The following DLGAP1 variants were observed in gnomAD, a reference collection of about 807,000 sequenced individuals.
DLGAP1 encodes disks large-associated protein 1.
DLGAP1 carries 11 observed loss-of-function variants against 90.8 expected under a neutral mutation model. The ratio of observed to expected loss-of-function variants is 0.12; its 90% CI spans 0.08 to 0.20. The LOEUF is 0.20. DLGAP1 is among the 10% of genes least tolerant of loss of function. The pLI is 1.00. For synonymous variants in DLGAP1, 558 were observed against 540.7 expected (o/e 1.03, Z -0.44); for missense variants, 1,050 against 1,333.8 (o/e 0.79, Z 3.31).
intron 3 of DLGAP1, among the ~76,000 whole-genome samples, chr18:3,988,448 T>G (rs1295840090): frequency 6.6e-6 from 1 of 152,158 alleles, no homozygotes; most frequent in African/African-American, 2.4e-5. Flanking sequence ...TTAATCTGTA[T>G]TTGCAGCCAC....
chr18:4,149,417 T>C (rs568437283), intron 2 of DLGAP1, among the ~76,000 whole-genome samples: 2 of 152,056 alleles, frequency 1.3e-5, no homozygotes, highest in East Asian at 1.9e-4. Context: ...AGGAGAAAAA[T>C]GCTGATTTAG....
Position 3,499,232 on chromosome 18 carries a change from CGCTCTCGGT to C in DLGAP1, c.2878_2886del (p.Thr960_Ser962del). 6.3e-7 allele frequency: 1 copy of C among 1,596,866 alleles called. No individual in the cohort carries two copies. The highest frequency in any genetic ancestry group is 8.5e-7 in the Non-Finnish European group (1 of 1,174,340). On this transcript the variant is annotated inframe_deletion, in exon 13 of 13. Transcript: ENST00000315677. This position sits in a 1 kb window ranked among gnomAD's most constrained non-coding sequence, Gnocchi z 6.4. Reference sequence around the variant, plus strand: ...GGGATGTAGATCTCGATGCTCTCGGCGCTCTCGGTGGCCGAGTTCTGGCGGACGGACGCG... The same window carrying C: ...GGGATGTAGATCTCGATGCTCTCGGCGGCCGAGTTCTGGCGGACGGACGCG...
intron 2 of DLGAP1, among the ~76,000 whole-genome samples, chr18:4,045,202 T>A (rs1047604950): frequency 3.9e-5 from 6 of 152,076 alleles, no homozygotes; most frequent in African/African-American, 1.4e-4. Flanking sequence ...GACTTTCACC[T>A]TTCTTGCCTT....
rs527802993 is a variant in DLGAP1, at chr18:3,926,475, TGTA to T, written c.-72-46338_-72-46336del. 1.1e-4 allele frequency among the ~76,000 whole-genome samples: 13 copies of T among 120,650 alleles called. No individual in the cohort carries two copies. The South Asian group carries it at 3.8e-3, about 35-fold the overall frequency. The allele number at this position is 120,650 out of a possible 152,430, so 79.2% of individuals were successfully genotyped here. On this transcript the variant is annotated intron_variant, in intron 3 of 12. Transcript: ENST00000315677. ...ATGTATGTATATATGTGCCTATGTA[TGTA>T]GTATTTATATGTATATAAATATATA...
At chr18:3,850,454 T>C (rs1030445439) in intron 4 of DLGAP1, among the ~76,000 whole-genome samples, 7 of 152,146 alleles carry the variant, frequency 4.6e-5, no homozygotes, top group African/African-American at 1.4e-4. Context: ...AGATGAATGA[T>C]TTAATTTTCC....
chr18:3,994,636 C>G (rs2074032445), intron 3 of DLGAP1, among the ~76,000 whole-genome samples: 1 of 152,150 alleles, frequency 6.6e-6, no homozygotes, highest in African/African-American at 2.4e-5. Flanking sequence ...GGCAAATAGG[C>G]TCTAGAAATT....
chr18:3,995,021 C>T (rs900113696), intron 3 of DLGAP1, among the ~76,000 whole-genome samples: 2 of 152,140 alleles, frequency 1.3e-5, no homozygotes, highest in South Asian at 4.1e-4. Context: ...ATAGATTATG[C>T]TCAATACTTT....
At chr18:4,089,057 C>G (rs568208636) in intron 2 of DLGAP1, among the ~76,000 whole-genome samples, 2 of 152,296 alleles carry the variant, frequency 1.3e-5, no homozygotes, top group African/African-American at 4.8e-5. Flanking sequence ...AAAACCCCAT[C>G]ATCTCAGCCC....
intron 5 of DLGAP1, among the ~76,000 whole-genome samples, chr18:3,783,024 A>G (rs77441439): frequency 0.011 from 1,698 of 152,356 alleles, 19 homozygotes; most frequent in African/African-American, 0.032. Flanking sequence ...AAGAAAATAT[A>G]CAAGTGACCA....
In DLGAP1 at chr18:3,660,132, C is replaced by G. The variant is rs938381811; in HGVS notation, c.1591+69003G>C. 6.6e-6 allele frequency among the ~76,000 whole-genome samples: 1 copy of G among 152,116 alleles called. No homozygotes were observed. The highest frequency in any genetic ancestry group is 1.5e-5 in the Non-Finnish European group (1 of 68,026). On this transcript the variant is annotated intron_variant, in intron 7 of 12. Transcript: ENST00000315677. The surrounding 1 kb of genome is among the most constrained non-coding windows in gnomAD (Gnocchi z 4.2). The stretch of plus-strand genomic sequence containing the variant: ...TATTTAGAGCAGGCCAGAAATAACT[C>G]TATCCCATTGCTCTTATTTATTTAT...
chr18:3,539,873 C>T (rs2052586439), intron 9 of DLGAP1, among the ~76,000 whole-genome samples: 1 of 151,534 alleles, frequency 6.6e-6, no homozygotes, highest in Admixed American at 6.6e-5. Flanking sequence ...CTCTGCTTAG[C>T]GTCTTTATCC....
At chr18:3,978,280 C>A (rs2073643159) in intron 3 of DLGAP1, 2 of 401,850 alleles carry the variant, frequency 5.0e-6, no homozygotes, top group Non-Finnish European at 9.7e-6. Flanking sequence ...GTACCCCCTG[C>A]AAGTGAGCCT....
At chr18:3,851,394 G>T (rs1238724319) in intron 4 of DLGAP1, among the ~76,000 whole-genome samples, 1 of 152,170 alleles carries the variant, frequency 6.6e-6, no homozygotes, top group African/African-American at 2.4e-5. Context: ...AACTAGGTTT[G>T]GTTCTGAGTC....
At chr18:3,764,015 T>C (rs566584836) in intron 5 of DLGAP1, among the ~76,000 whole-genome samples, 145 of 152,318 alleles carry the variant, frequency 9.5e-4, no homozygotes, top group African/African-American at 3.2e-3. Flanking sequence ...TTGCCAGTTA[T>C]GTGTAGCAGC....
At chr18:3,872,336 A>C (rs2148803733) in intron 4 of DLGAP1, among the ~76,000 whole-genome samples, 1 of 152,212 alleles carries the variant, frequency 6.6e-6, no homozygotes, top group Non-Finnish European at 1.5e-5. Context: ...TCTGTGTAAC[A>C]GTAATTAATT....
At chr18:4,253,148 A>G (rs2078818512) in intron 1 of DLGAP1, among the ~76,000 whole-genome samples, 1 of 152,160 alleles carries the variant, frequency 6.6e-6, no homozygotes, top group Non-Finnish European at 1.5e-5. Context: ...CCCTCAGTAA[A>G]GTCACATAAA....
At chr18:3,767,691 A>C (rs1164434128) in intron 5 of DLGAP1, among the ~76,000 whole-genome samples, 1 of 152,144 alleles carries the variant, frequency 6.6e-6, no homozygotes, top group Non-Finnish European at 1.5e-5. Flanking sequence ...CTATCAACTG[A>C]TGCAGAAAAT....
At chr18:4,399,922 C>T (rs145398542) in intron 1 of DLGAP1, among the ~76,000 whole-genome samples, 240 of 151,856 alleles carry the variant, frequency 1.6e-3, no homozygotes, top group Non-Finnish European at 2.9e-3. Context: ...CAACCTGACT[C>T]GGGAAAAAAA....
intron 9 of DLGAP1, among the ~76,000 whole-genome samples, chr18:3,536,891 T>C (rs1261226221): frequency 6.6e-6 from 1 of 152,050 alleles, no homozygotes; most frequent in African/African-American, 2.4e-5. Flanking sequence ...CTTTCTCAGA[T>C]GAGGGGCAAG....
Sources: gnomAD v4.1 joint callset for allele counts (sites outside exome capture counted in the v4.1 genomes callset) on GRCh38, gnomAD v4.1.1 for gene constraint, Gnocchi (gnomAD v3.1) non-coding constraint, MANE v1.5 for transcripts, NCBI Gene and HGNC (gene_info 2026-07-23, HGNC 2026-07-21) for gene names.